PAPPA2: variants seen among roughly 807,000 people sequenced by gnomAD.
PAPPA2 encodes the protein pappalysin 2, also known as pappalysin-2.
PAPPA2 carries 86 observed loss-of-function variants against 176.4 expected under a neutral mutation model. That is an observed-to-expected ratio of 0.49 (90% CI 0.41 to 0.58). The LOEUF is 0.58. Ranked by LOEUF, PAPPA2 falls within the 20% of genes least tolerant of loss-of-function variation. PAPPA2 has a pLI of 0.00. For synonymous variants in PAPPA2, 809 were observed against 852.2 expected, an observed-to-expected ratio of 0.95 and a Z score of 0.88; for missense variants, 2,073 against 2,256.9, an observed-to-expected ratio of 0.92 and a Z score of 1.65.
At chr1:176,747,322 G>A (rs1159751434) in intron 14 of PAPPA2, among the ~76,000 whole-genome samples, 4 of 152,146 alleles carry the variant, frequency 2.6e-5, no homozygotes, top group African/African-American at 9.7e-5. Context: ...AGGCAAGCTG[G>A]GGAAACCTGA....
At chr1:176,700,602 A>G (rs747060355) in intron 8 of PAPPA2, among the ~76,000 whole-genome samples, 1 of 152,112 alleles carries the variant, frequency 6.6e-6, no homozygotes, top group Non-Finnish European at 1.5e-5. Flanking sequence ...TGGGCTTTTC[A>G]TGGTAGTGGA....
Position 176,623,943 on chromosome 1 carries a change from C to T in PAPPA2, c.1991+28348C>T, listed in dbSNP as rs141277851. 5.1e-3 allele frequency among the ~76,000 whole-genome samples: 770 copies of T among 151,576 alleles called. 13 individuals carry two copies. The highest frequency in any genetic ancestry group is 0.017 in the African/African-American group (699 of 41,254). ...ACAGCCTCTTCCTCCCAGGATCAAG[C>T]GATCCTCCTACTTCAGCCCCCCAAG... On this transcript the variant is annotated intron_variant, in intron 3 of 22. Coordinates refer to ENST00000367662, the MANE Select transcript of PAPPA2 (RefSeq NM_020318.3).
chr1:176,630,059 C>CAACA (rs201699127), intron 3 of PAPPA2, among the ~76,000 whole-genome samples: 1 of 152,036 alleles, frequency 6.6e-6, no homozygotes, highest in African/African-American at 2.4e-5. Context: ...GACTTCATCT[C>CAACA]AACAAACAAA....
chr1:176,646,304 T>C (rs1261927382), intron 3 of PAPPA2, among the ~76,000 whole-genome samples: 1 of 151,382 alleles, frequency 6.6e-6, no homozygotes, highest in East Asian at 1.9e-4. Flanking sequence ...TGTATATATT[T>C]ATGAGGTACA....
At chr1:176,473,911 A>G (rs1330162162) in intron 1 of PAPPA2, among the ~76,000 whole-genome samples, 2 of 152,138 alleles carry the variant, frequency 1.3e-5, no homozygotes, top group Non-Finnish European at 2.9e-5. Context: ...TATGTGTCAT[A>G]CTTAGGATCA....
intron 3 of PAPPA2, among the ~76,000 whole-genome samples, chr1:176,664,156 G>T (rs1658498923): frequency 1.3e-5 from 2 of 152,242 alleles, no homozygotes; most frequent in South Asian, 4.1e-4. Flanking sequence ...ATTAGTTTTT[G>T]ATTCTTGCTG....
chr1:176,680,218 G>A (rs933898551), intron 4 of PAPPA2, among the ~76,000 whole-genome samples: 1 of 152,204 alleles, frequency 6.6e-6, no homozygotes, highest in African/African-American at 2.4e-5. Flanking sequence ...AATAGTCTGA[G>A]ATAAAGCTAA....
rs1667591149 is a variant in PAPPA2 at position 176,844,418 on chromosome 1, G to A, written c.*1964G>A. The A allele has an allele frequency of 6.6e-6, 1 of 152,116 alleles. No individual in the cohort carries two copies. The highest frequency in any genetic ancestry group is 1.5e-5 in the Non-Finnish European group (1 of 68,020). 9.4% of individuals were successfully genotyped at this position (152,116 alleles called of 1,614,324 possible). A position where few individuals can be genotyped will look rare whatever the true frequency, so the allele number is the denominator to read the frequency against. ...CTGAAAGAGAATAAAACACGAATAA[G>A]GTGATGTACCCACATTAATCTGTGG... On this transcript the variant is annotated 3_prime_UTR_variant, in exon 23 of 23. Transcript: ENST00000367662.
intron 12 of PAPPA2, among the ~76,000 whole-genome samples, chr1:176,736,088 T>G (rs1157118268): frequency 6.6e-6 from 1 of 152,160 alleles, no homozygotes; most frequent in African/African-American, 2.4e-5. Flanking sequence ...GGGGCATCAA[T>G]GATGCACATC....
intron 1 of PAPPA2, among the ~76,000 whole-genome samples, chr1:176,515,842 G>A (rs1363442494): frequency 6.6e-6 from 1 of 152,016 alleles, no homozygotes. Context: ...CCATTCCTTG[G>A]TGTGGAAGAC....
Position 176,739,756 on chromosome 1 carries a change from C to G in PAPPA2, c.3929C>G (p.Ser1310Cys), listed in dbSNP as rs760720112. ...ACCGATGTCCGTGGAAGCAACCACTCTCTTGGTGAGTCTGACAAATATCCC... is the reference window on the plus strand; with the variant it reads ...ACCGATGTCCGTGGAAGCAACCACTGTCTTGGTGAGTCTGACAAATATCCC... ...YLTDVRGSNH[S>C]LGTYGLSCQH... Residue 1310 changes from serine (S) to cysteine (C), a missense_variant, in exon 13 of 23, where the codon TCT becomes TGT. Coordinates refer to ENST00000367662, the MANE Select transcript of PAPPA2 (RefSeq NM_020318.3). The G allele has an allele frequency of 3.1e-6, 5 of 1,613,382 alleles. No homozygotes were observed. Among genetic ancestry groups the G allele is most frequent in the South Asian group, 2.2e-5 (2 of 91,068 alleles).
intron 17 of PAPPA2, 131 bp downstream of exon 17, chr1:176,771,311 T>G: frequency 1.2e-6 from 1 of 809,502 alleles, no homozygotes; most frequent in Non-Finnish European, 2.0e-6. Flanking sequence ...CCTGCTGTGC[T>G]TTCTGTAAAT....
In PAPPA2 at chr1:176,594,526, G is replaced by A. The variant is rs1483404351; in HGVS notation, c.922G>A (p.Val308Met). 1 of 1,611,492 alleles carries A rather than the reference G, an allele frequency of 6.2e-7. No homozygotes were observed. Among genetic ancestry groups the A allele is most frequent in the Admixed American group, 1.7e-5 (1 of 59,904 alleles). Residue 308 changes from valine (V) to methionine (M), a missense_variant and splice_region_variant, in exon 3 of 23, where the codon GTG becomes ATG. By Grantham distance (21) the Val-to-Met change is conservative. Coordinates refer to ENST00000367662, the MANE Select transcript of PAPPA2 (RefSeq NM_020318.3). ...CTCGATTCTTCCTTCTTTCCCAGGT[G>A]TGTTTGATAACTGCTCCCACACTGT... Reference protein sequence around the residue: ...GQNNPAIIAGVFDNCSHTVSD... With the variant: ...GQNNPAIIAGMFDNCSHTVSD...
At chr1:176,719,616 A>G (rs1661530473) in intron 12 of PAPPA2, among the ~76,000 whole-genome samples, 2 of 151,850 alleles carry the variant, frequency 1.3e-5, no homozygotes. Context: ...TTATTTTTTC[A>G]TTTATATCGA....
In PAPPA2 at chr1:176,551,990, G is replaced by A. The variant is rs78274200; in HGVS notation, c.-916-3417G>A. ...GAGACAATGTTGAAGCCTTGCAATC[G>A]GATTTTGTAAAACGTGTCCAGTCAC... On this transcript the variant is annotated intron_variant, in intron 1 of 22. Coordinates refer to ENST00000367662, the MANE Select transcript of PAPPA2 (RefSeq NM_020318.3). Among the ~76,000 whole-genome samples, 544 of 152,154 alleles carry A rather than the reference G, an allele frequency of 3.6e-3. 6 individuals carry two copies. The East Asian group carries it at 0.049, about 14-fold the overall frequency.
chr1:176,600,509 T>C (rs1253985262), intron 3 of PAPPA2, among the ~76,000 whole-genome samples: 1 of 151,428 alleles, frequency 6.6e-6, no homozygotes, highest in Non-Finnish European at 1.5e-5. Context: ...ACCCCGTCTC[T>C]ACTAAAAATA....
intron 17 of PAPPA2, among the ~76,000 whole-genome samples, chr1:176,778,709 C>A (rs1414977966): frequency 6.6e-6 from 1 of 152,166 alleles, no homozygotes; most frequent in Non-Finnish European, 1.5e-5. Flanking sequence ...CATGTTCTAT[C>A]TATGATTGCT....
At chr1:176,678,266 T>G (rs1219854457) in intron 4 of PAPPA2, among the ~76,000 whole-genome samples, 2 of 152,288 alleles carry the variant, frequency 1.3e-5, no homozygotes, top group African/African-American at 4.8e-5. Flanking sequence ...AAACATCCAA[T>G]AATAGGTTTA....
At chr1:176,539,511 G>C (rs1289879233) in intron 1 of PAPPA2, among the ~76,000 whole-genome samples, 1 of 152,196 alleles carries the variant, frequency 6.6e-6, no homozygotes, top group Non-Finnish European at 1.5e-5. Context: ...AGCTAAATAA[G>C]GGAAGGTCTA....
Sources: allele counts gnomAD v4.1 joint callset (sites outside exome capture counted in the v4.1 genomes callset), GRCh38; gene constraint gnomAD v4.1.1; transcripts MANE v1.5; gene names NCBI Gene and HGNC (gene_info 2026-07-23, HGNC 2026-07-21).